The following DES variants were observed in gnomAD, a reference collection of about 807,000 sequenced individuals.
DES encodes the protein desmin.
DES carries 34 observed loss-of-function variants against 55.1 expected under a neutral mutation model. That is an observed-to-expected ratio of 0.62 (90% CI 0.47 to 0.82). The LOEUF is 0.82. DES is among the 40% of genes least tolerant of loss of function. DES has a pLI of 0.00. For synonymous variants in DES, 259 were observed against 270.8 expected, an observed-to-expected ratio of 0.96 and a Z score of 0.43; for missense variants, 596 against 645.9, an observed-to-expected ratio of 0.92 and a Z score of 0.84.
Position 219,418,777 on chromosome 2 carries a change from C to G in DES, c.315C>G (p.Arg105=). ...DAVNQEFLTT[R]TNEKVELQEL... ...TGAACCAGGAGTTTCTGACCACGCG[C>G]ACCAACGAGAAGGTGGAGCTGCAGG... The change falls in exon 1 of 9, where the codon CGC becomes CGG. Residue 105 remains arginine, a synonymous_variant. Transcript: ENST00000373960. The G allele has an allele frequency of 6.4e-7, 1 of 1,564,168 alleles. No individual in the cohort carries two copies. The highest frequency in any genetic ancestry group is 8.7e-7 in the Non-Finnish European group (1 of 1,153,612).
Position 219,418,899 on chromosome 2 carries a change from G to A in DES, c.437G>A (p.Arg146His). ...LAAEVNRLKG[R>H]EPTRVAELYE... ...GCCGAAGTGAACCGGCTCAAGGGCC[G>A]CGAGCCGACGCGAGTGGCCGAGCTC... The change falls in exon 1 of 9, where the codon CGC (arginine) becomes CAC (histidine). Residue 146 changes from arginine (R) to histidine (H), a missense_variant. Coordinates refer to ENST00000373960, the MANE Select transcript of DES (RefSeq NM_001927.4). 1.3e-6 allele frequency: 2 copies of A among 1,560,584 alleles called. No individual in the cohort carries two copies. The highest frequency in any genetic ancestry group is 1.2e-5 in the South Asian group (1 of 84,954).
Position 219,426,106 on chromosome 2 carries a change from C to A in DES, c.*116C>A. The A allele has an allele frequency of 8.5e-7, 1 of 1,178,100 alleles. No individual in the cohort carries two copies. The highest frequency in any genetic ancestry group is 1.2e-6 in the Non-Finnish European group (1 of 808,726). The allele number at this position is 1,178,100 out of a possible 1,614,324, so 73.0% of individuals were successfully genotyped here. A position where few individuals can be genotyped will look rare whatever the true frequency, so the allele number is the denominator to read the frequency against. ...CCAGCCTCAGTCCTCCCCTCACAGCCTCTGACCCCTCCTCACTGGCCATCC... is the reference window on the plus strand; with the variant it reads ...CCAGCCTCAGTCCTCCCCTCACAGCATCTGACCCCTCCTCACTGGCCATCC... On this transcript the variant is annotated 3_prime_UTR_variant, in exon 9 of 9. Coordinates refer to ENST00000373960, the MANE Select transcript of DES (RefSeq NM_001927.4). This position sits in a 1 kb window ranked among gnomAD's most constrained non-coding sequence, Gnocchi z 4.5.
chr2:219,418,555 T>C lies in DES; in HGVS notation c.93T>C (p.Ser31=), dbSNP rs2017800. Residue 31 remains serine (S), a synonymous_variant, in exon 1 of 9, where the codon AGT becomes AGC. Coordinates refer to ENST00000373960, the MANE Select transcript of DES (RefSeq NM_001927.4). Reference sequence around the variant, plus strand: ...GCTTCCCACTCGGCTCCCCGCTGAGTTCGCCCGTGTTCCCGCGGGCGGGTT... The same window carrying C: ...GCTTCCCACTCGGCTCCCCGCTGAGCTCGCCCGTGTTCCCGCGGGCGGGTT... The part of the protein sequence containing the change: ...APGFPLGSPL[S]SPVFPRAGFG... The C allele has an allele frequency of 0.97, 1,554,571 of 1,604,920 alleles. 758,258 individuals are homozygous for C. Among genetic ancestry groups the C allele is most frequent in the East Asian group, 1 (44,444 of 44,448 alleles).
chr2:219,419,061 A>G lies in DES; in HGVS notation c.578+21A>G. On this transcript the variant is annotated intron_variant, in intron 1 of 8. Coordinates refer to ENST00000373960, the MANE Select transcript of DES (RefSeq NM_001927.4). The surrounding 1 kb of genome is among the most constrained non-coding windows in gnomAD (Gnocchi z 4.3). ...GCCAAGTGAGGGCCCGGCACCCCAGACTCCTCTTTCTGCGGGCAGGGCACA... is the reference window on the plus strand; with the variant it reads ...GCCAAGTGAGGGCCCGGCACCCCAGGCTCCTCTTTCTGCGGGCAGGGCACA... 1.3e-6 allele frequency: 2 copies of G among 1,535,596 alleles called. No homozygotes were observed. The highest frequency in any genetic ancestry group is 2.5e-5 in the East Asian group (1 of 40,772).
Position 219,420,614 on chromosome 2 carries a change from G to C in DES, c.855G>C (p.Ala285=). 6.2e-7 allele frequency: 1 copy of C among 1,614,038 alleles called. No homozygotes were observed. The highest frequency in any genetic ancestry group is 8.5e-7 in the Non-Finnish European group (1 of 1,180,018). The change falls in exon 4 of 9, where the codon GCG becomes GCC. Residue 285 remains alanine, a synonymous_variant. Coordinates refer to ENST00000373960, the MANE Select transcript of DES (RefSeq NM_001927.4). This position sits in a 1 kb window ranked among gnomAD's most constrained non-coding sequence, Gnocchi z 6.0. ...RDIRAQYETI[A]AKNISEAEEW... ...TCCGGGCTCAGTATGAGACCATCGCGGCTAAGAACATTTCTGAAGCTGAGG... is the reference window on the plus strand; with the variant it reads ...TCCGGGCTCAGTATGAGACCATCGCCGCTAAGAACATTTCTGAAGCTGAGG...
Position 219,420,431 on chromosome 2 carries a change from A to C in DES, c.736-64A>C. 6.2e-7 allele frequency: 1 copy of C among 1,612,904 alleles called. No homozygotes were observed. Among genetic ancestry groups the C allele is most frequent in the Non-Finnish European group, 8.5e-7 (1 of 1,179,484 alleles). On this transcript the variant is annotated intron_variant, in intron 3 of 8. Transcript: ENST00000373960. This position sits in a 1 kb window ranked among gnomAD's most constrained non-coding sequence, Gnocchi z 6.0. Reference sequence around the variant, plus strand: ...GGGTTGGGGTGAGGCTCTGGCTGGGAATAGGGGTGTGAGGGTGCTGTGTGG... The same window carrying C: ...GGGTTGGGGTGAGGCTCTGGCTGGGCATAGGGGTGTGAGGGTGCTGTGTGG...
In DES at chr2:219,420,367, C is replaced by T. The variant is rs1954414899; in HGVS notation, c.735+21C>T. 1 of 1,612,870 alleles carries T rather than the reference C, an allele frequency of 6.2e-7. No individual in the cohort carries two copies. The highest frequency in any genetic ancestry group is 8.5e-7 in the Non-Finnish European group (1 of 1,179,336). On this transcript the variant is annotated intron_variant, in intron 3 of 8. Transcript: ENST00000373960. The surrounding 1 kb of genome is among the most constrained non-coding windows in gnomAD (Gnocchi z 6.0). ...AAGAGGTATACCTTGGCCCCTCTTC[C>T]TGGGGTCACTGGGCCATGGGGAAAG...
Position 219,418,704 on chromosome 2 carries a change from C to T in DES, c.242C>T (p.Ser81Phe). The T allele has an allele frequency of 6.4e-7, 1 of 1,567,120 alleles. No individual in the cohort carries two copies. Among genetic ancestry groups the T allele is most frequent in the East Asian group, 2.3e-5 (1 of 42,590 alleles). The change falls in exon 1 of 9, where the codon TCC (serine) becomes TTC (phenylalanine). Residue 81 changes from serine to phenylalanine, a missense_variant. By Grantham distance (155) the Ser-to-Phe change is radical. Coordinates refer to ENST00000373960, the MANE Select transcript of DES (RefSeq NM_001927.4). ...CGGCTGGGGACCACCCGCACGCCCT[C>T]CTCCTACGGCGCAGGCGAGCTGCTG... ...ASRLGTTRTP[S>F]SYGAGELLDF...
In DES at chr2:219,419,647, C is replaced by A. The variant is rs977307331; in HGVS notation, c.579-448C>A. Among the ~76,000 whole-genome samples the A allele has an allele frequency of 6.6e-6, 1 of 152,152 alleles. No individual in the cohort carries two copies. Among genetic ancestry groups the A allele is most frequent in the Non-Finnish European group, 1.5e-5 (1 of 68,016 alleles). Reference sequence around the variant, plus strand: ...TCTCAGAGAGCTTGGGAGGACCTGACTGTAGACTTCACCAGGCTCCAAGAA... The same window carrying A: ...TCTCAGAGAGCTTGGGAGGACCTGAATGTAGACTTCACCAGGCTCCAAGAA... On this transcript the variant is annotated intron_variant, in intron 1 of 8. Coordinates refer to ENST00000373960, the MANE Select transcript of DES (RefSeq NM_001927.4). The surrounding 1 kb of genome is among the most constrained non-coding windows in gnomAD (Gnocchi z 4.3).
intron 6 of DES, among the ~76,000 whole-genome samples, chr2:219,422,980 C>T (rs1261814269): frequency 6.6e-6 from 1 of 152,182 alleles, no homozygotes; most frequent in East Asian, 1.9e-4. Flanking sequence ...TGTTTAGATA[C>T]AGGTACAAAC....
Position 219,426,043 on chromosome 2 carries a change from C to T in DES, c.*53C>T. The stretch of plus-strand genomic sequence containing the variant: ...CGTCCTCACCCCTGTCCTCACTGCT[C>T]CCTGAAGCCAGCCTTCTTCCATCCC... On this transcript the variant is annotated 3_prime_UTR_variant, in exon 9 of 9. Coordinates refer to ENST00000373960, the MANE Select transcript of DES (RefSeq NM_001927.4). This position sits in a 1 kb window ranked among gnomAD's most constrained non-coding sequence, Gnocchi z 4.5. 2 of 1,602,060 alleles carry T rather than the reference C, an allele frequency of 1.2e-6. No individual in the cohort carries two copies. Among genetic ancestry groups the T allele is most frequent in the South Asian group, 2.2e-5 (2 of 90,754 alleles).
chr2:219,425,712 G>T lies in DES; in HGVS notation c.1338G>T (p.Val446=). 6.2e-7 allele frequency: 1 copy of T among 1,600,726 alleles called. No homozygotes were observed. Among genetic ancestry groups the T allele is most frequent in the East Asian group, 2.2e-5 (1 of 44,488 alleles). The change falls in exon 8 of 9, where the codon GTG becomes GTT. Residue 446 remains valine (V), a synonymous_variant. Coordinates refer to ENST00000373960, the MANE Select transcript of DES (RefSeq NM_001927.4). ...CTGAGGTCCATACCAAGAAGACGGT[G>T]ATGATCAAGACCATCGAGACACGGG... is the stretch of plus-strand genomic sequence containing the variant. ...RGSEVHTKKT[V]MIKTIETRDG...
intron 6 of DES, among the ~76,000 whole-genome samples, chr2:219,421,932 C>T (rs1178278659): frequency 6.6e-6 from 1 of 152,182 alleles, no homozygotes; most frequent in Non-Finnish European, 1.5e-5. Context: ...TCCCAAAGTA[C>T]TGGGATTACA....
chr2:219,422,463 CTTTTT>C (rs71040455), intron 6 of DES, among the ~76,000 whole-genome samples: 2 of 103,498 alleles, frequency 1.9e-5, no homozygotes, highest in Non-Finnish European at 3.6e-5. Flanking sequence ...TGTTCTATAT[CTTTTT>C]TTTTTTTTTT....
Position 219,420,576 on chromosome 2 carries a change from G to T in DES, c.817G>T (p.Ala273Ser), listed in dbSNP as rs770258461. ...CATGTCTAAGCCAGACCTCACTGCCGCCCTCAGGGACATCCGGGCTCAGTA... is the reference window on the plus strand; with the variant it reads ...CATGTCTAAGCCAGACCTCACTGCCTCCCTCAGGGACATCCGGGCTCAGTA... ...MDMSKPDLTAALRDIRAQYET... is the reference protein window; with the variant it reads ...MDMSKPDLTASLRDIRAQYET... The change falls in exon 4 of 9, where the codon GCC (alanine) becomes TCC (serine). Residue 273 changes from alanine (A) to serine (S), a missense_variant. Transcript: ENST00000373960. The surrounding 1 kb of genome is among the most constrained non-coding windows in gnomAD (Gnocchi z 6.0). The T allele has an allele frequency of 6.2e-7, 1 of 1,613,962 alleles. No individual in the cohort carries two copies. The highest frequency in any genetic ancestry group is 1.1e-5 in the South Asian group (1 of 91,080).
Position 219,419,018 on chromosome 2 carries a change from G to A in DES, c.556G>A (p.Asp186Asn), listed in dbSNP as rs878854473. The A allele has an allele frequency of 1.3e-6, 2 of 1,544,002 alleles. No homozygotes were observed. The highest frequency in any genetic ancestry group is 2.4e-5 in the East Asian group (1 of 40,936). ...CGTCGAGCGCGACAACCTGCTCGAC[G>A]ACCTGCAGCGGCTCAAGGCCAAGTG... The part of the protein sequence containing the change: ...VDVERDNLLD[D>N]LQRLKAKLQE... The change falls in exon 1 of 9, where the codon GAC (aspartate) becomes AAC (asparagine). Residue 186 changes from aspartate to asparagine, a missense_variant. Asp to Asn is a conservative substitution (Grantham distance 23, BLOSUM62 1). Transcript: ENST00000373960. This position sits in a 1 kb window ranked among gnomAD's most constrained non-coding sequence, Gnocchi z 4.3.
At chr2:219,425,460 C>G (rs571446550) in intron 7 of DES, 7 of 601,468 alleles carry the variant, frequency 1.2e-5, no homozygotes, top group African/African-American at 9.2e-5. Context: ...AACTATGGGA[C>G]AGGCGCTGGG....
At position 219,419,914 on chromosome 2, in the gene DES, C is replaced by T. The variant is rs1954401374; in HGVS notation, c.579-181C>T. Reference sequence around the variant, plus strand: ...TGTGGCTCCTGGGCAGAGATTGGGCCACTTCCTGTGCCCTCCCTGGGTGGG... The same window carrying T: ...TGTGGCTCCTGGGCAGAGATTGGGCTACTTCCTGTGCCCTCCCTGGGTGGG... On this transcript the variant is annotated intron_variant, in intron 1 of 8. Coordinates refer to ENST00000373960, the MANE Select transcript of DES (RefSeq NM_001927.4). This position sits in a 1 kb window ranked among gnomAD's most constrained non-coding sequence, Gnocchi z 4.3. 1 of 687,794 alleles carries T rather than the reference C, an allele frequency of 1.5e-6. No homozygotes were observed. 42.6% of individuals were successfully genotyped at this position (687,794 alleles called of 1,614,324 possible). A position where few individuals can be genotyped will look rare whatever the true frequency, so the allele number is the denominator to read the frequency against.
chr2:219,425,651 AC>A lies in DES; in HGVS notation c.1289-9del. The A allele has an allele frequency of 6.4e-7, 1 of 1,563,256 alleles. No individual in the cohort carries two copies. Among genetic ancestry groups the A allele is most frequent in the Non-Finnish European group, 8.7e-7 (1 of 1,153,274 alleles). ...CTTGGTCAGGCTGAGTGTGCGATGG[AC>A]CCTGTTACAGAAACCAGCCCTGAGC... is the stretch of plus-strand genomic sequence containing the variant. On this transcript the variant is annotated splice_polypyrimidine_tract_variant and intron_variant, in intron 7 of 8. Coordinates refer to ENST00000373960, the MANE Select transcript of DES (RefSeq NM_001927.4).
Sources: allele counts gnomAD v4.1 joint callset (sites outside exome capture counted in the v4.1 genomes callset), GRCh38; gene constraint gnomAD v4.1.1; non-coding constraint Gnocchi (gnomAD v3.1); transcripts MANE v1.5; gene names NCBI Gene and HGNC (gene_info 2026-07-23, HGNC 2026-07-21).